Variants in WDR72 observed in about 807,000 individuals in gnomAD.
WDR72 encodes the protein WD repeat domain 72.
In WDR72, 120 loss-of-function variants were observed where a neutral mutation model predicts 124.2. The observed-to-expected ratio is 0.97, with a 90% CI of 0.83 to 1.12. The LOEUF is 1.12. Ranked by LOEUF, WDR72 falls within the 50% of genes most tolerant of loss-of-function variation. WDR72 has a pLI of 0.00. For missense variants in WDR72, 1,387 were observed against 1,278.8 expected (o/e 1.08, Z -1.29); for synonymous variants, 452 against 441.7 (o/e 1.02, Z -0.29).
intron 13 of WDR72, among the ~76,000 whole-genome samples, chr15:53,694,544 C>G (rs1260717886): frequency 6.6e-6 from 1 of 152,144 alleles, no homozygotes; most frequent in East Asian, 1.9e-4. Flanking sequence ...GCAGCCATCT[C>G]CTTTCTTTTC....
chr15:53,744,092 A>G (rs1471000351), intron 1 of WDR72, among the ~76,000 whole-genome samples: 3 of 152,192 alleles, frequency 2.0e-5, no homozygotes, highest in African/African-American at 7.2e-5. Context: ...GGATTTTAGT[A>G]ACGGAGTTCC....
intron 14 of WDR72, among the ~76,000 whole-genome samples, chr15:53,622,479 C>A (rs1013119141): frequency 6.6e-6 from 1 of 151,786 alleles, no homozygotes; most frequent in African/African-American, 2.4e-5. Flanking sequence ...TTTACAGGGA[C>A]AATGGATGGA....
At chr15:53,612,176 G>T (rs2013568494) in intron 16 of WDR72, among the ~76,000 whole-genome samples, 1 of 152,020 alleles carries the variant, frequency 6.6e-6, no homozygotes, top group African/African-American at 2.4e-5. Flanking sequence ...AATTTCATTT[G>T]TCCATTAATT....
At chr15:53,756,254 C>G (rs2018902174) in intron 1 of WDR72, among the ~76,000 whole-genome samples, 1 of 152,148 alleles carries the variant, frequency 6.6e-6, no homozygotes, top group Admixed American at 6.5e-5. Context: ...TAAGGGGCTT[C>G]CCCCTTTGCT....
intron 18 of WDR72, among the ~76,000 whole-genome samples, chr15:53,544,849 A>G (rs1163845678): frequency 2.6e-5 from 4 of 151,876 alleles, no homozygotes; most frequent in African/African-American, 4.9e-5. Flanking sequence ...AAAATCACAA[A>G]CATTCTTATA....
intron 14 of WDR72, among the ~76,000 whole-genome samples, chr15:53,617,538 A>C (rs2013817655): frequency 6.6e-6 from 1 of 151,820 alleles, no homozygotes; most frequent in South Asian, 2.1e-4. Flanking sequence ...ATGGAGAACA[A>C]ATTATAAGAG....
At chr15:53,698,772 T>C (rs2017082112) in intron 13 of WDR72, among the ~76,000 whole-genome samples, 1 of 152,210 alleles carries the variant, frequency 6.6e-6, no homozygotes, top group African/African-American at 2.4e-5. Context: ...CTTGTACATT[T>C]ATGTATCACA....
At chr15:53,610,276 C>T (rs1291129856) in intron 16 of WDR72, among the ~76,000 whole-genome samples, 4 of 151,932 alleles carry the variant, frequency 2.6e-5, no homozygotes, top group African/African-American at 9.7e-5. Context: ...CCAGCAGTTT[C>T]CTACACAAAA....
chr15:53,704,816 TAA>T (rs35150329), intron 11 of WDR72, among the ~76,000 whole-genome samples, 170 bp downstream of exon 11: 7 of 136,142 alleles, frequency 5.1e-5, no homozygotes, highest in Non-Finnish European at 6.2e-5. Context: ...ACAGGGAGTT[TAA>T]AAAAAAAAAA....
rs746997198 is a variant in WDR72 at position 53,726,283 on chromosome 15, T to TATAC, written c.154-3379_154-3376dup. On this transcript the variant is annotated intron_variant, in intron 2 of 19. Transcript: ENST00000360509. ...ATGTGTGTATATATATATATATATA[T>TATAC]ATACACACACACACTGCTCTAGTGT... 3.4e-5 allele frequency among the ~76,000 whole-genome samples: 4 copies of TATAC among 116,140 alleles called. 2 individuals carry two copies. Among genetic ancestry groups the TATAC allele is most frequent in the African/African-American group, 1.6e-4 (4 of 24,604 alleles). 76.2% of individuals were successfully genotyped at this position (116,140 alleles called of 152,430 possible).
intron 14 of WDR72, among the ~76,000 whole-genome samples, chr15:53,660,581 G>T (rs1225606485): frequency 6.6e-6 from 1 of 151,988 alleles, no homozygotes; most frequent in South Asian, 2.1e-4. Flanking sequence ...TCAGCTAAAG[G>T]TTAAAAATAT....
intron 18 of WDR72, among the ~76,000 whole-genome samples, chr15:53,584,184 G>A (rs1199847112): frequency 2.0e-5 from 3 of 151,912 alleles, no homozygotes; most frequent in South Asian, 2.1e-4. Flanking sequence ...ATGAAAAATC[G>A]GACCAAATAT....
chr15:53,569,908 C>A (rs1347295097), intron 18 of WDR72, among the ~76,000 whole-genome samples: 1 of 151,942 alleles, frequency 6.6e-6, no homozygotes, highest in African/African-American at 2.4e-5. Flanking sequence ...ACATAGGTGG[C>A]CTTTGTGGTC....
At chr15:53,712,624 G>A (rs978235953) in intron 7 of WDR72, 148 bp downstream of exon 7, 14 of 836,920 alleles carry the variant, frequency 1.7e-5, no homozygotes, top group African/African-American at 3.5e-5. Context: ...AAACTGTTAC[G>A]TCAGTCATAA....
At chr15:53,636,086 T>C (rs1026025136) in intron 14 of WDR72, among the ~76,000 whole-genome samples, 20 of 152,322 alleles carry the variant, frequency 1.3e-4, no homozygotes, top group African/African-American at 4.8e-4. Flanking sequence ...TGCTGCTTGG[T>C]TTTATGCTAT....
intron 14 of WDR72, among the ~76,000 whole-genome samples, chr15:53,639,359 G>A (rs892731228): frequency 2.0e-5 from 3 of 151,782 alleles, no homozygotes; most frequent in South Asian, 2.1e-4. Context: ...GTCCAGGTGC[G>A]GTTGCTCATG....
chr15:53,707,453 A>T (rs1008571524), intron 9 of WDR72, among the ~76,000 whole-genome samples: 6 of 149,570 alleles, frequency 4.0e-5, no homozygotes, highest in Non-Finnish European at 8.9e-5. Flanking sequence ...TTCTAAATGA[A>T]TTTTTTTTTT....
chr15:53,575,174 T>A (rs953128206), intron 18 of WDR72, among the ~76,000 whole-genome samples: 12 of 152,090 alleles, frequency 7.9e-5, no homozygotes, highest in Non-Finnish European at 1.6e-4. Context: ...TACCATATCG[T>A]ATGTTCCGAA....
At chr15:53,708,063 A>G (rs1412734647) in intron 9 of WDR72, among the ~76,000 whole-genome samples, 9 of 151,580 alleles carry the variant, frequency 5.9e-5, no homozygotes, top group Non-Finnish European at 1.3e-4. Flanking sequence ...ACTTGCTCAC[A>G]CTCACCGCTT....
Sources: allele counts gnomAD v4.1 joint callset (sites outside exome capture counted in the v4.1 genomes callset), GRCh38; gene constraint gnomAD v4.1.1; transcripts MANE v1.5; gene names NCBI Gene and HGNC (gene_info 2026-07-23, HGNC 2026-07-21).